The following HIBCH variants were observed in gnomAD, a reference collection of about 807,000 sequenced individuals.
HIBCH encodes 3-hydroxyisobutyryl-CoA hydrolase.
Under a neutral mutation model 58.2 loss-of-function variants are expected in HIBCH, and 50 were observed. That is an observed-to-expected ratio of 0.86 (90% CI 0.68 to 1.09). The LOEUF is 1.09. Ranked by LOEUF, HIBCH falls within the 50% of genes least tolerant of loss-of-function variation. HIBCH has a pLI of 0.00. For synonymous variants in HIBCH, 151 were observed against 146.9 expected (o/e 1.03, Z -0.20); for missense variants, 450 against 449.7 (o/e 1.00, Z -0.01).
chr2:190,314,292 TATATATAC>T (rs1353166962), intron 1 of HIBCH, among the ~76,000 whole-genome samples: 1 of 52,456 alleles, frequency 1.9e-5, no homozygotes, highest in Non-Finnish European at 4.4e-5. Context: ...TATATATATG[TATATATAC>T]ATATATATGT....
intron 11 of HIBCH, among the ~76,000 whole-genome samples, chr2:190,226,595 C>CAAAA (rs752856547): frequency 1.4e-4 from 4 of 29,394 alleles, no homozygotes; most frequent in Non-Finnish European, 1.3e-4. Flanking sequence ...AACTCCGTCT[C>CAAAA]AAAAAAAAAA....
intron 6 of HIBCH, among the ~76,000 whole-genome samples, chr2:190,264,993 T>G (rs1400140680): frequency 6.6e-6 from 1 of 151,748 alleles, no homozygotes; most frequent in African/African-American, 2.4e-5. Flanking sequence ...CATGGTGTCA[T>G]GCGCCTGTAA....
intron 2 of HIBCH, among the ~76,000 whole-genome samples, chr2:190,301,920 A>C (rs562614448): frequency 6.6e-6 from 1 of 152,328 alleles, no homozygotes; most frequent in East Asian, 1.9e-4. Flanking sequence ...ACCACTTCCC[A>C]AAAAGCCCCA....
intron 11 of HIBCH, among the ~76,000 whole-genome samples, chr2:190,238,381 G>A (rs568544517): frequency 6.6e-6 from 1 of 152,286 alleles, no homozygotes; most frequent in East Asian, 1.9e-4. Flanking sequence ...GTGTGAGATA[G>A]TTACCTCATT....
At chr2:190,269,991 T>A (rs964154158) in intron 6 of HIBCH, among the ~76,000 whole-genome samples, 15 of 151,892 alleles carry the variant, frequency 9.9e-5, no homozygotes, top group African/African-American at 3.6e-4. Flanking sequence ...ACCAAATGTA[T>A]GTTCTCATAA....
rs558852465 is a variant in HIBCH, at chr2:190,257,796, G to A, written c.517+3360C>T. Among the ~76,000 whole-genome samples, 12 of 152,166 alleles carry A rather than the reference G, an allele frequency of 7.9e-5. No homozygotes were observed. The East Asian group carries it at 2.3e-3, about 29-fold the overall frequency. ...GACAGGACAAGAGAGCAGAAGGAAA[G>A]GGGGCTGAAGTCATCCCTGTATCGG... On this transcript the variant is annotated intron_variant, in intron 7 of 13. Coordinates refer to ENST00000359678, the MANE Select transcript of HIBCH (RefSeq NM_014362.4).
At chr2:190,264,287 T>G (rs949383969) in intron 6 of HIBCH, among the ~76,000 whole-genome samples, 1 of 151,862 alleles carries the variant, frequency 6.6e-6, no homozygotes. Context: ...CTTTCTTTTT[T>G]TTTTTTTAAA....
chr2:190,211,243 A>C lies in HIBCH; in HGVS notation c.1011+1713T>G, dbSNP rs1690507173. ...ATTGCTGTTGGTGTCTTTCAGATTT[A>C]AATCTCCAACTCATTCCTCTAATCT... On this transcript the variant is annotated intron_variant, in intron 12 of 13. Coordinates refer to ENST00000359678, the MANE Select transcript of HIBCH (RefSeq NM_014362.4). This position sits in a 1 kb window ranked among gnomAD's most constrained non-coding sequence, Gnocchi z 5.0. Among the ~76,000 whole-genome samples, 1 of 152,148 alleles carries C rather than the reference A, an allele frequency of 6.6e-6. No homozygotes were observed. The highest frequency in any genetic ancestry group is 2.4e-5 in the African/African-American group (1 of 41,430).
At chr2:190,277,560 G>T (rs989334089) in intron 6 of HIBCH, among the ~76,000 whole-genome samples, 7 of 152,140 alleles carry the variant, frequency 4.6e-5, no homozygotes, top group African/African-American at 1.7e-4. Flanking sequence ...TTCTGTACTA[G>T]GGTATGTTAA....
intron 10 of HIBCH, chr2:190,245,299 T>C: frequency 3.9e-6 from 1 of 256,048 alleles, no homozygotes; most frequent in Non-Finnish European, 7.6e-6. Flanking sequence ...CCTCCTCTTG[T>C]TTCCCAAAGC....
intron 11 of HIBCH, among the ~76,000 whole-genome samples, chr2:190,218,524 T>TACTAC (rs1685624056): frequency 6.6e-6 from 1 of 152,144 alleles, no homozygotes; most frequent in African/African-American, 2.4e-5. Context: ...ACTCCTGGTC[T>TACTAC]TACTACTTCC....
At chr2:190,233,683 A>C (rs1279293564) in intron 11 of HIBCH, among the ~76,000 whole-genome samples, 2 of 152,248 alleles carry the variant, frequency 1.3e-5, no homozygotes, top group Admixed American at 1.3e-4. Flanking sequence ...ATTTACATCC[A>C]GGAGGATTCC....
At chr2:190,260,286 T>C (rs1687052334) in intron 7 of HIBCH, 1 of 152,128 alleles carries the variant, frequency 6.6e-6, no homozygotes, top group Non-Finnish European at 1.5e-5. Context: ...GACTGGTAAC[T>C]AACAATTCAA....
intron 1 of HIBCH, among the ~76,000 whole-genome samples, chr2:190,193,119 A>C (rs1689794695): frequency 6.6e-6 from 1 of 152,068 alleles, no homozygotes; most frequent in African/African-American, 2.4e-5. Context: ...CACTAACATT[A>C]CTTTTGAGGA....
chr2:190,199,225 A>AG (rs1459466376), downstream of HIBCH, among the ~76,000 whole-genome samples: 1 of 152,150 alleles, frequency 6.6e-6, no homozygotes. Context: ...TTTTTTGTAA[A>AG]GGGTCAGATA....
Position 190,215,888 on chromosome 2 carries a change from A to G in HIBCH, c.892-2813T>C, listed in dbSNP as rs1690616157. ...GTGCAGGTGTGCTGGTGCCCAGAGA[A>G]AAAGAGTCAGAACTGTCTGTCAGAC... is the stretch of plus-strand genomic sequence containing the variant. On this transcript the variant is annotated intron_variant, in intron 11 of 13. Coordinates refer to ENST00000359678, the MANE Select transcript of HIBCH (RefSeq NM_014362.4). The surrounding 1 kb of genome is among the most constrained non-coding windows in gnomAD (Gnocchi z 4.4). The G allele has an allele frequency of 6.6e-6, 1 of 152,164 alleles. No homozygotes were observed. Among genetic ancestry groups the G allele is most frequent in the Non-Finnish European group, 1.5e-5 (1 of 68,320 alleles). 9.4% of individuals were successfully genotyped at this position (152,164 alleles called of 1,614,324 possible).
In HIBCH at chr2:190,214,758, C is replaced by T. The variant is rs746507835; in HGVS notation, c.892-1683G>A. On this transcript the variant is annotated intron_variant, in intron 11 of 13. Transcript: ENST00000359678. This position sits in a 1 kb window ranked among gnomAD's most constrained non-coding sequence, Gnocchi z 5.5. ...CAGTGAAAAGCCCTGGGATCCCCAA[C>T]ACGCTTGCCCCTCCCCCAAACATCT... is the stretch of plus-strand genomic sequence containing the variant. 5 of 152,402 alleles carry T rather than the reference C, an allele frequency of 3.3e-5. No individual in the cohort carries two copies. Among genetic ancestry groups the T allele is most frequent in the Non-Finnish European group, 7.3e-5 (5 of 68,096 alleles). 9.4% of individuals were successfully genotyped at this position (152,402 alleles called of 1,614,324 possible).
chr2:190,217,420 G>A lies in HIBCH; in HGVS notation c.892-4345C>T, dbSNP rs1685586453. Among the ~76,000 whole-genome samples the A allele has an allele frequency of 6.6e-6, 1 of 152,098 alleles. No homozygotes were observed. Among genetic ancestry groups the A allele is most frequent in the Admixed American group, 6.5e-5 (1 of 15,272 alleles). On this transcript the variant is annotated intron_variant, in intron 11 of 13. Coordinates refer to ENST00000359678, the MANE Select transcript of HIBCH (RefSeq NM_014362.4). The surrounding 1 kb of genome is among the most constrained non-coding windows in gnomAD (Gnocchi z 4.6). ...AATAGCTTGAACCCAGGAGATGGAG[G>A]TTGCAGTGAGTTGAGATCACACACT...
intron 7 of HIBCH, among the ~76,000 whole-genome samples, chr2:190,258,609 A>C (rs1211572746): frequency 6.6e-6 from 1 of 152,216 alleles, no homozygotes; most frequent in African/African-American, 2.4e-5. Context: ...GGATAGATTC[A>C]ACAACATGTG....
Sources: allele counts gnomAD v4.1 joint callset (sites outside exome capture counted in the v4.1 genomes callset), GRCh38; gene constraint gnomAD v4.1.1; non-coding constraint Gnocchi (gnomAD v3.1); transcripts MANE v1.5; gene names NCBI Gene and HGNC (gene_info 2026-07-23, HGNC 2026-07-21).